The following RTTN variants were observed in gnomAD, a reference collection of about 807,000 sequenced individuals.
RTTN encodes rotatin.
Under a neutral mutation model 269.2 loss-of-function variants are expected in RTTN, and 182 were observed. That is an observed-to-expected ratio of 0.68 (90% CI 0.60 to 0.76). RTTN has a LOEUF of 0.76. Among genes scored for constraint, RTTN ranks in the 30% least tolerant of loss-of-function variants. RTTN has a pLI of 0.00. For synonymous variants in RTTN, 1,006 were observed against 963.5 expected, an observed-to-expected ratio of 1.04 and a Z score of -0.82; for missense variants, 2,545 against 2,608.6, an observed-to-expected ratio of 0.98 and a Z score of 0.53.
chr18:70,122,213 A>C (rs2059756819), intron 25 of RTTN, among the ~76,000 whole-genome samples: 1 of 152,144 alleles, frequency 6.6e-6, no homozygotes. Flanking sequence ...ATTTCTTTTT[A>C]AGTTCAGAGC....
intron 11 of RTTN, among the ~76,000 whole-genome samples, chr18:70,175,211 A>G (rs780315989): frequency 1.3e-5 from 2 of 152,076 alleles, no homozygotes; most frequent in Non-Finnish European, 2.9e-5. Context: ...TTTTCTGAAT[A>G]AAAGTTAAAA....
intron 46 of RTTN, 47 bp from the exon 47 acceptor site, chr18:70,006,531 A>G (rs767977415): frequency 5.8e-6 from 8 of 1,382,692 alleles, no homozygotes; most frequent in African/African-American, 4.3e-5. Flanking sequence ...CAGACACTGC[A>G]TTGTATTCTT....
Position 70,205,509 on chromosome 18 carries a change from G to C in RTTN, c.31+119C>G, listed in dbSNP as rs532112357. 5 of 1,426,732 alleles carry C rather than the reference G, an allele frequency of 3.5e-6. No individual in the cohort carries two copies. In the East Asian group the frequency reaches 9.1e-5, roughly 26 times the overall value. 88.4% of individuals were successfully genotyped at this position (1,426,732 alleles called of 1,614,324 possible). On this transcript the variant is annotated intron_variant, in intron 1 of 48. Coordinates refer to ENST00000640769, the MANE Select transcript of RTTN (RefSeq NM_173630.4). ...GGTCCCCGGGGGCTATCCTGACAAA[G>C]CGGGGGTGAAAGAGGGAGCGGTCGC...
Position 70,196,613 on chromosome 18 carries a change from A to AAC in RTTN, c.728_729insGT (p.Asp243GlufsTer22). On this transcript the variant is annotated frameshift_variant, in exon 7 of 49. Transcript: ENST00000640769. LOFTEE classifies it high-confidence loss of function. Reference sequence around the variant, plus strand: ...ACTGTAATGCCAGGCGATGCTTTCCATCTCCAAAGGCCAGTTTCAACAGAG... The same window carrying AAC: ...ACTGTAATGCCAGGCGATGCTTTCCAACTCTCCAAAGGCCAGTTTCAACAGAG... 1.6e-6 allele frequency: 2 copies of AAC among 1,241,694 alleles called. No homozygotes were observed. The highest frequency in any genetic ancestry group is 2.2e-6 in the Non-Finnish European group (2 of 901,792). The allele number at this position is 1,241,694 out of a possible 1,614,324, so 76.9% of individuals were successfully genotyped here.
At chr18:70,160,237 G>A (rs940926049) in intron 14 of RTTN, among the ~76,000 whole-genome samples, 5 of 151,810 alleles carry the variant, frequency 3.3e-5, no homozygotes, top group East Asian at 1.9e-4. Context: ...AATCCACCAC[G>A]ATCAAGTATG....
intron 28 of RTTN, among the ~76,000 whole-genome samples, chr18:70,099,832 T>C (rs569701271): frequency 2.0e-5 from 3 of 152,266 alleles, no homozygotes; most frequent in Non-Finnish European, 4.4e-5. Context: ...ATTTACTAAA[T>C]ACGGAATGCT....
intron 28 of RTTN, among the ~76,000 whole-genome samples, chr18:70,104,712 A>G (rs1366227152): frequency 6.6e-6 from 1 of 152,072 alleles, no homozygotes; most frequent in Non-Finnish European, 1.5e-5. Context: ...TTTTCCTTCT[A>G]ACAGTCAGGA....
chr18:70,124,727 T>C (rs1568422248), intron 25 of RTTN, among the ~76,000 whole-genome samples: 2 of 152,088 alleles, frequency 1.3e-5, no homozygotes, highest in Admixed American at 6.6e-5. Context: ...ATTCTATTAA[T>C]ATCTAGCACA....
chr18:70,108,276 CAAA>C (rs71178848), intron 28 of RTTN, among the ~76,000 whole-genome samples: 1 of 146,206 alleles, frequency 6.8e-6, no homozygotes, highest in Non-Finnish European at 1.5e-5. Flanking sequence ...GACTCTGTCT[CAAA>C]AAAAAAAAAA....
At chr18:70,189,166 TA>T (rs2061613920) in intron 9 of RTTN, among the ~76,000 whole-genome samples, 1 of 152,232 alleles carries the variant, frequency 6.6e-6, no homozygotes, top group Non-Finnish European at 1.5e-5. Flanking sequence ...ACCAGACAGA[TA>T]AACATATGTA....
In RTTN at chr18:70,088,109, G is replaced by A. The variant is rs1229299806; in HGVS notation, c.4182C>T (p.Thr1394=). ...FTSLGLGSAL[T]TLETGCVALA... is the part of the protein sequence containing the mutation. ...AGGCCACACAGCCCGTTTCAAGGGTGGTCAGTGCTGATCCTAATCCCAGTG... is the reference window on the plus strand; with the variant it reads ...AGGCCACACAGCCCGTTTCAAGGGTAGTCAGTGCTGATCCTAATCCCAGTG... The change falls in exon 31 of 49, where the codon ACC becomes ACT. Residue 1394 remains threonine (T), a synonymous_variant. Transcript: ENST00000640769. The A allele has an allele frequency of 6.2e-7, 1 of 1,613,792 alleles. No individual in the cohort carries two copies. The highest frequency in any genetic ancestry group is 8.5e-7 in the Non-Finnish European group (1 of 1,179,860).
At chr18:70,171,234 T>G (rs1470644828) in intron 11 of RTTN, among the ~76,000 whole-genome samples, 1 of 152,200 alleles carries the variant, frequency 6.6e-6, no homozygotes, top group East Asian at 1.9e-4. Flanking sequence ...GTTCCACTCC[T>G]GAAGAGTTAG....
Position 70,075,421 on chromosome 18 carries a change from G to A in RTTN, c.4495C>T (p.Leu1499=). 6.2e-7 allele frequency: 1 copy of A among 1,606,748 alleles called. No individual in the cohort carries two copies. Among genetic ancestry groups the A allele is most frequent in the Non-Finnish European group, 8.5e-7 (1 of 1,176,978 alleles). The change falls in exon 33 of 49, where the codon CTA becomes TTA. Residue 1499 remains leucine (L), a synonymous_variant. Coordinates refer to ENST00000640769, the MANE Select transcript of RTTN (RefSeq NM_173630.4). Reference sequence around the variant, plus strand: ...TTCAAATCAAACATACACCGTCCTAGGTAACAATGCTTTACCATCTGATTC... The same window carrying A: ...TTCAAATCAAACATACACCGTCCTAAGTAACAATGCTTTACCATCTGATTC... ...HLNQMVKHCY[L]GRCMFDLNFS...
At chr18:70,042,363 TTTC>T (rs1331250818) in intron 40 of RTTN, among the ~76,000 whole-genome samples, 5 of 146,872 alleles carry the variant, frequency 3.4e-5, no homozygotes, top group South Asian at 2.1e-4. Context: ...GCTTTGGAAT[TTTC>T]TTTTTTTTTT....
At position 70,168,487 on chromosome 18, in the gene RTTN, C is replaced by T. The variant is rs116562862; in HGVS notation, c.1689+368G>A. ...ATAAAATATTGAGGCAAAAATATGT[C>T]TACAAGTAAGCACTAAAATAGCCCT... On this transcript the variant is annotated intron_variant, in intron 12 of 48. Coordinates refer to ENST00000640769, the MANE Select transcript of RTTN (RefSeq NM_173630.4). Among the ~76,000 whole-genome samples the T allele has an allele frequency of 8.7e-3, 1,327 of 152,170 alleles. 23 individuals carry two copies. The highest frequency in any genetic ancestry group is 0.03 in the African/African-American group (1,231 of 41,522).
At chr18:70,051,229 A>G (rs1398750444) in intron 39 of RTTN, among the ~76,000 whole-genome samples, 182 bp downstream of exon 39, 1 of 152,218 alleles carries the variant, frequency 6.6e-6, no homozygotes, top group Non-Finnish European at 1.5e-5. Flanking sequence ...TCAATTTTTC[A>G]AAAATGCATT....
At chr18:70,055,519 A>C (rs976102345) in intron 37 of RTTN, among the ~76,000 whole-genome samples, 4 of 152,078 alleles carry the variant, frequency 2.6e-5, no homozygotes, top group African/African-American at 9.7e-5. Context: ...TACTTTATAT[A>C]AAAGTGTAGG....
intron 40 of RTTN, among the ~76,000 whole-genome samples, chr18:70,046,079 T>G (rs1373567172): frequency 6.6e-6 from 1 of 152,144 alleles, no homozygotes; most frequent in Admixed American, 6.5e-5. Context: ...CTGCGTATAC[T>G]ATTATAAACT....
chr18:70,099,639 T>A (rs1326871717), intron 28 of RTTN, among the ~76,000 whole-genome samples: 1 of 152,212 alleles, frequency 6.6e-6, no homozygotes, highest in Non-Finnish European at 1.5e-5. Flanking sequence ...GGTATTTTAG[T>A]CATGAAGTCC....
Sources: allele counts gnomAD v4.1 joint callset (sites outside exome capture counted in the v4.1 genomes callset), GRCh38; gene constraint gnomAD v4.1.1; transcripts MANE v1.5; gene names NCBI Gene and HGNC (gene_info 2026-07-23, HGNC 2026-07-21).